ERN1: variants seen among roughly 807,000 people sequenced by gnomAD.
ERN1 encodes the protein endoplasmic reticulum to nucleus signaling 1.
ERN1 carries 39 observed loss-of-function variants against 113.1 expected under a neutral mutation model. The ratio of observed to expected loss-of-function variants is 0.34; its 90% CI spans 0.27 to 0.45. The LOEUF (loss-of-function observed/expected upper bound fraction) is 0.45, where lower values mean the gene tolerates loss of function less well. Ranked by LOEUF, ERN1 falls within the 20% of genes least tolerant of loss-of-function variation. The pLI is 1.00. For missense variants in ERN1, 976 were observed against 1,274.8 expected (o/e 0.77, Z 3.57); for synonymous variants, 507 against 515.9 (o/e 0.98, Z 0.23).
chr17:64,103,010 T>C (rs1304324066), intron 1 of ERN1: 1 of 953,974 alleles, frequency 1.0e-6, no homozygotes, highest in African/African-American at 1.8e-5. Flanking sequence ...TAGTCTAGCC[T>C]AAAACTAAAC....
chr17:64,060,606 C>G lies in ERN1; in HGVS notation c.1088-19G>C. The G allele has an allele frequency of 6.4e-7, 1 of 1,567,560 alleles. No individual in the cohort carries two copies. Among genetic ancestry groups the G allele is most frequent in the Non-Finnish European group, 8.8e-7 (1 of 1,137,712 alleles). On this transcript the variant is annotated intron_variant, in intron 10 of 21. Coordinates refer to ENST00000433197, the MANE Select transcript of ERN1 (RefSeq NM_001433.5). ...TGGTGTCCTATGACAGGAAACAAAA[C>G]CTTTAGTGAGAACAATTTCCCGAGC...
Position 64,053,294 on chromosome 17 carries a change from G to A in ERN1, c.2031C>T (p.Ala677=), listed in dbSNP as rs1912747805. The change falls in exon 16 of 22, where the codon GCC becomes GCT. Residue 677 remains alanine (A), a synonymous_variant. Coordinates refer to ENST00000433197, the MANE Select transcript of ERN1 (RefSeq NM_001433.5). ...CACCGATGTTGAGGGAGTGGAGGTG[G>A]GCCAGGCCCGAGGTGGTCTGCTGCA... The part of the protein sequence containing the change: ...TLLQQTTSGL[A]HLHSLNIVHR... 1 of 1,610,156 alleles carries A rather than the reference G, an allele frequency of 6.2e-7. No individual in the cohort carries two copies. Among genetic ancestry groups the A allele is most frequent in the Non-Finnish European group, 8.5e-7 (1 of 1,178,922 alleles).
At chr17:64,069,184 G>C (rs1913331117) in intron 6 of ERN1, among the ~76,000 whole-genome samples, 1 of 152,174 alleles carries the variant, frequency 6.6e-6, no homozygotes, top group Non-Finnish European at 1.5e-5. Context: ...GTCCCTCATA[G>C]ACCCTCTGCC....
At chr17:64,124,067 G>A (rs1404722828) in intron 1 of ERN1, among the ~76,000 whole-genome samples, 1 of 152,172 alleles carries the variant, frequency 6.6e-6, no homozygotes, top group Non-Finnish European at 1.5e-5. Context: ...ACATCCACCA[G>A]GATGGCTAAG....
At chr17:64,065,383 G>T in intron 8 of ERN1, 96 bp from the exon 9 acceptor site, 2 of 865,284 alleles carry the variant, frequency 2.3e-6, no homozygotes, top group South Asian at 1.7e-5. Context: ...CCGCAGGGAT[G>T]ACCACATTAA....
Position 64,129,987 on chromosome 17 carries a change from G to A in ERN1, c.43C>T (p.Pro15Ser). 1 of 1,448,354 alleles carries A rather than the reference G, an allele frequency of 6.9e-7. No individual in the cohort carries two copies. Among genetic ancestry groups the A allele is most frequent in the East Asian group, 3.0e-5 (1 of 33,206 alleles). The allele number at this position is 1,448,354 out of a possible 1,614,324, so 89.7% of individuals were successfully genotyped here. A position where few individuals can be genotyped will look rare whatever the true frequency, so the allele number is the denominator to read the frequency against. Reference protein sequence around the residue: ...RLLLLLTLLLPGLGIFGSTST... With the variant: ...RLLLLLTLLLSGLGIFGSTST... ...CCCCGGTCACTCACCCCGAGGCCGG[G>A]CAGCAGCAGCGTCAGCAGCAGCAGC... The change falls in exon 1 of 22, where the codon CCC becomes TCC. Residue 15 changes from proline to serine, a missense_variant. Coordinates refer to ENST00000433197, the MANE Select transcript of ERN1 (RefSeq NM_001433.5).
At chr17:64,067,561 C>T (rs75525268) in intron 7 of ERN1, among the ~76,000 whole-genome samples, 7,131 of 151,134 alleles carry the variant, frequency 0.047, 556 homozygotes, top group African/African-American at 0.16. Flanking sequence ...TGAGCCCTGA[C>T]TGCACTCCTG....
At chr17:64,077,147 A>G (rs196944) in intron 4 of ERN1, among the ~76,000 whole-genome samples, 146,140 of 152,284 alleles carry the variant, frequency 0.96, 70,420 homozygotes, top group East Asian at 1. Context: ...CTCTATACAA[A>G]CTTGCCCTCC....
At chr17:64,124,732 A>C (rs1322335855) in intron 1 of ERN1, among the ~76,000 whole-genome samples, 8 of 152,344 alleles carry the variant, frequency 5.3e-5, no homozygotes, top group Admixed American at 6.5e-5. Context: ...AAATGGACTA[A>C]TACAATGGAT....
chr17:64,058,124 C>G (rs1912937705), intron 11 of ERN1, 131 bp from the exon 12 acceptor site: 4 of 722,132 alleles, frequency 5.5e-6, no homozygotes, highest in Non-Finnish European at 8.8e-6. Context: ...TTGTTTTAAG[C>G]TCACCAAAGA....
intron 1 of ERN1, among the ~76,000 whole-genome samples, chr17:64,103,446 G>A (rs967887990): frequency 1.6e-4 from 23 of 147,908 alleles, no homozygotes; most frequent in African/African-American, 5.3e-4. Context: ...GCAGTGAGCC[G>A]AGATCACGCC....
rs746296710 is a variant in ERN1, at chr17:64,060,580, A to G, written c.1095T>C (p.His365=). Residue 365 remains histidine (H), a synonymous_variant, in exon 11 of 22, where the codon CAT becomes CAC. Transcript: ENST00000433197. ...LRNYWLLIGH[H]ETPLSASTKM... ...TGGTAGACGCAGACAGTGGGGTTTC[A>G]TGGTGTCCTATGACAGGAAACAAAA... 2 of 1,608,690 alleles carry G rather than the reference A, an allele frequency of 1.2e-6. No homozygotes were observed. Among genetic ancestry groups the G allele is most frequent in the East Asian group, 2.2e-5 (1 of 44,868 alleles).
At position 64,049,282 on chromosome 17, in the gene ERN1, C is replaced by T; in HGVS notation, c.2254-80G>A. 1.5e-6 allele frequency: 2 copies of T among 1,378,162 alleles called. No homozygotes were observed. The highest frequency in any genetic ancestry group is 2.3e-5 in the Admixed American group (1 of 43,852). The allele number at this position is 1,378,162 out of a possible 1,614,324, so 85.4% of individuals were successfully genotyped here. The stretch of plus-strand genomic sequence containing the variant: ...CACAGTCAGGGAGGGAGGAGCATTG[C>T]TGCTGCTTCTGCCACCTAGAAGGTG... On this transcript the variant is annotated intron_variant, in intron 17 of 21. Transcript: ENST00000433197. This position sits in a 1 kb window ranked among gnomAD's most constrained non-coding sequence, Gnocchi z 4.7.
chr17:64,077,886 T>C (rs952782751), intron 4 of ERN1, among the ~76,000 whole-genome samples: 8 of 152,150 alleles, frequency 5.3e-5, no homozygotes, highest in East Asian at 3.9e-4. Flanking sequence ...GCTGGGACTA[T>C]AGGCGCCCGC....
rs1315519849 is a variant in ERN1, at chr17:64,039,491, A to G, written c.*4497T>C. The stretch of plus-strand genomic sequence containing the variant: ...CCAAATTAATCACCCTTTAATAATA[A>G]GACTACTGTAAAGCATCCATCCCAT... On this transcript the variant is annotated 3_prime_UTR_variant, in exon 22 of 22. Transcript: ENST00000433197. 6.6e-6 allele frequency: 1 copy of G among 152,230 alleles called. No individual in the cohort carries two copies. Among genetic ancestry groups the G allele is most frequent in the Admixed American group, 6.5e-5 (1 of 15,278 alleles). 9.4% of individuals were successfully genotyped at this position (152,230 alleles called of 1,614,324 possible). A position where few individuals can be genotyped will look rare whatever the true frequency, so the allele number is the denominator to read the frequency against.
intron 19 of ERN1, among the ~76,000 whole-genome samples, chr17:64,046,243 T>C (rs1243217886): frequency 1.3e-5 from 2 of 152,156 alleles, no homozygotes; most frequent in African/African-American, 4.8e-5. Context: ...TAATTTACAA[T>C]TGTCAGAGAG....
chr17:64,044,066 G>A lies in ERN1; in HGVS notation c.2856C>T (p.Ser952=). 1 of 1,613,720 alleles carries A rather than the reference G, an allele frequency of 6.2e-7. No individual in the cohort carries two copies. Among genetic ancestry groups the A allele is most frequent in the Non-Finnish European group, 8.5e-7 (1 of 1,179,796 alleles). ...AHTYRAMELC[S]HERLFQPYYF... is the part of the protein sequence containing the mutation. ...AGTAGGGCTGGAAGAGTCTCTCGTG[G>A]CTGCACAGCTCCATGGCCCGGTAGG... Residue 952 remains serine, a synonymous_variant, in exon 22 of 22, where the codon AGC becomes AGT. Coordinates refer to ENST00000433197, the MANE Select transcript of ERN1 (RefSeq NM_001433.5). This position sits in a 1 kb window ranked among gnomAD's most constrained non-coding sequence, Gnocchi z 4.1.
rs538908234 is a variant in ERN1 at position 64,114,134 on chromosome 17, G to A, written c.54+15842C>T. The stretch of plus-strand genomic sequence containing the variant: ...GTCAACATAAGTAAAGCTCTTGAAC[G>A]GGCCTAATATACAGTAAGCATCATG... On this transcript the variant is annotated intron_variant, in intron 1 of 21. Coordinates refer to ENST00000433197, the MANE Select transcript of ERN1 (RefSeq NM_001433.5). 9.9e-5 allele frequency among the ~76,000 whole-genome samples: 15 copies of A among 150,994 alleles called. No individual in the cohort carries two copies. In the South Asian group the frequency reaches 1.9e-3, roughly 19 times the overall value.
At chr17:64,060,368 C>T (rs1913014539) in intron 11 of ERN1, 101 bp downstream of exon 11, 3 of 773,898 alleles carry the variant, frequency 3.9e-6, no homozygotes, top group Non-Finnish European at 6.9e-6. Flanking sequence ...CTCTTCCCTC[C>T]CAGACTAGGC....
Sources: allele counts gnomAD v4.1 joint callset (sites outside exome capture counted in the v4.1 genomes callset), GRCh38; gene constraint gnomAD v4.1.1; non-coding constraint Gnocchi (gnomAD v3.1); transcripts MANE v1.5; gene names NCBI Gene and HGNC (gene_info 2026-07-23, HGNC 2026-07-21).